SNX7: variants seen among roughly 807,000 people sequenced by gnomAD.
SNX7 encodes sorting nexin 7.
A neutral mutation model predicts 48.4 loss-of-function variants in SNX7; 35 were observed. That is an observed-to-expected ratio of 0.72 (90% CI 0.55 to 0.96). The LOEUF (loss-of-function observed/expected upper bound fraction) is 0.96, where lower values mean the gene tolerates loss of function less well. SNX7 is among the 40% of genes least tolerant of loss of function. SNX7 has a pLI of 0.00. For missense variants in SNX7, 553 were observed against 548.9 expected (o/e 1.01, Z -0.07); for synonymous variants, 190 against 190.2 (o/e 1.00, Z 0.01).
Position 98,711,796 on chromosome 1 carries a change from C to T in SNX7, c.1125+9893C>T, listed in dbSNP as rs533155280. 3.9e-5 allele frequency among the ~76,000 whole-genome samples: 6 copies of T among 152,242 alleles called. No individual in the cohort carries two copies. In the South Asian group the frequency reaches 1.2e-3, roughly 32 times the overall value. On this transcript the variant is annotated intron_variant, in intron 7 of 8. Transcript: ENST00000306121. ...TTGATTTTCCTTTCACCAGTGAATT[C>T]CCCGTAGCATGCAATGTTGTTTGAT...
intron 8 of SNX7, among the ~76,000 whole-genome samples, chr1:98,738,641 C>T (rs1653917154): frequency 6.6e-6 from 1 of 152,152 alleles, no homozygotes; most frequent in Admixed American, 6.5e-5. Flanking sequence ...TCTTTCCTCT[C>T]CCTTCTCCAT....
intron 1 of SNX7, among the ~76,000 whole-genome samples, chr1:98,674,070 AAAG>A (rs1650023628): frequency 6.6e-6 from 1 of 152,192 alleles, no homozygotes; most frequent in South Asian, 2.1e-4. Context: ...TAATTGCATT[AAAG>A]GAGGGTGGAA....
intron 1 of SNX7, 42 bp from the exon 2 acceptor site, chr1:98,684,843 A>G: frequency 7.4e-7 from 1 of 1,351,174 alleles, no homozygotes; most frequent in Non-Finnish European, 9.8e-7. Context: ...GAAGAGTTTA[A>G]TTTTTCTATT....
chr1:98,760,200 C>A lies in SNX7; in HGVS notation c.*69C>A. On this transcript the variant is annotated 3_prime_UTR_variant, in exon 9 of 9. Transcript: ENST00000306121. Reference sequence around the variant, plus strand: ...TTAACCAAAGTTATTCTTTCTGGATCTGCCGTGTCCTTATAAAGTGGATGA... The same window carrying A: ...TTAACCAAAGTTATTCTTTCTGGATATGCCGTGTCCTTATAAAGTGGATGA... The A allele has an allele frequency of 8.2e-7, 1 of 1,213,856 alleles. No homozygotes were observed. The highest frequency in any genetic ancestry group is 1.2e-6 in the Non-Finnish European group (1 of 820,356). The allele number at this position is 1,213,856 out of a possible 1,614,324, so 75.2% of individuals were successfully genotyped here.
At chr1:98,674,645 C>G (rs182830634) in intron 1 of SNX7, among the ~76,000 whole-genome samples, 141 of 152,278 alleles carry the variant, frequency 9.3e-4, no homozygotes, top group African/African-American at 3.1e-3. Flanking sequence ...AACAATTCAA[C>G]CCATAACAAA....
intron 2 of SNX7, among the ~76,000 whole-genome samples, chr1:98,686,504 T>C (rs1650808554): frequency 6.6e-6 from 1 of 152,162 alleles, no homozygotes; most frequent in Admixed American, 6.5e-5. Context: ...TTTGTGAGTT[T>C]CTCAAGGAAG....
rs568617375 is a variant in SNX7, at chr1:98,691,783, C to T, written c.639+84C>T. The stretch of plus-strand genomic sequence containing the variant: ...GTATTGTTCCTCTTGTTTACCGTTA[C>T]AAATCATGCAGTGGTGTACTTGAAT... On this transcript the variant is annotated intron_variant, in intron 4 of 8. Transcript: ENST00000306121. 1,889 of 1,150,040 alleles carry T rather than the reference C, an allele frequency of 1.6e-3. 3 individuals are homozygous for T. The highest frequency in any genetic ancestry group is 2.1e-3 in the Non-Finnish European group (1,789 of 852,836). The allele number at this position is 1,150,040 out of a possible 1,614,324, so 71.2% of individuals were successfully genotyped here. A position where few individuals can be genotyped will look rare whatever the true frequency, so the allele number is the denominator to read the frequency against.
intron 7 of SNX7, among the ~76,000 whole-genome samples, chr1:98,725,260 G>T (rs980130706): frequency 9.9e-5 from 15 of 152,078 alleles, no homozygotes; most frequent in African/African-American, 3.6e-4. Flanking sequence ...TGACTTTGGC[G>T]ATCCTTAGGC....
intron 8 of SNX7, among the ~76,000 whole-genome samples, chr1:98,752,054 A>G (rs545260362): frequency 2.4e-4 from 37 of 152,262 alleles, no homozygotes; most frequent in African/African-American, 8.9e-4. Flanking sequence ...ATTGATGACA[A>G]TGCAAAGCCA....
At chr1:98,691,937 A>ACACACTCTCTCTCTCTCTCT (rs376006567) in intron 4 of SNX7, among the ~76,000 whole-genome samples, 15 of 131,170 alleles carry the variant, frequency 1.1e-4, no homozygotes, top group Non-Finnish European at 2.5e-4. Flanking sequence ...ACACACACAC[A>ACACACTCTCTCTCTCTCTCT]CTCTCTCTCT....
chr1:98,669,623 G>T (rs1649741433), intron 1 of SNX7, among the ~76,000 whole-genome samples: 1 of 152,180 alleles, frequency 6.6e-6, no homozygotes, highest in African/African-American at 2.4e-5. Context: ...AACAGGATTT[G>T]TGGTAATTTG....
chr1:98,748,407 G>A (rs1440752685), intron 8 of SNX7, among the ~76,000 whole-genome samples: 2 of 152,094 alleles, frequency 1.3e-5, no homozygotes, highest in African/African-American at 4.8e-5. Context: ...GAAATAGACA[G>A]TTATATCATG....
intron 1 of SNX7, among the ~76,000 whole-genome samples, chr1:98,681,705 T>C (rs1456126210): frequency 6.6e-6 from 1 of 152,182 alleles, no homozygotes; most frequent in Non-Finnish European, 1.5e-5. Context: ...ATGTAACAGA[T>C]GAACCTGGAT....
chr1:98,698,141 C>T (rs577424526), intron 5 of SNX7, among the ~76,000 whole-genome samples: 48 of 152,166 alleles, frequency 3.2e-4, no homozygotes, highest in South Asian at 2.1e-4. Context: ...ACCCTTGAAG[C>T]AGTACAGATT....
chr1:98,707,079 C>G (rs1652049718), intron 7 of SNX7, among the ~76,000 whole-genome samples: 6 of 152,054 alleles, frequency 3.9e-5, no homozygotes, highest in Admixed American at 3.9e-4. Context: ...AAAGTATGAG[C>G]CTTTACTTTA....
intron 1 of SNX7, among the ~76,000 whole-genome samples, chr1:98,665,376 G>C (rs1287371110): frequency 4.6e-5 from 7 of 151,944 alleles, no homozygotes; most frequent in Non-Finnish European, 5.9e-5. Flanking sequence ...GCGAACAGTA[G>C]GTTTCATTTC....
chr1:98,673,617 G>C (rs1649996882), intron 1 of SNX7, among the ~76,000 whole-genome samples: 1 of 152,164 alleles, frequency 6.6e-6, no homozygotes. Flanking sequence ...CCTGACACCT[G>C]GGTGACATGC....
rs770463800 is a variant in SNX7, at chr1:98,691,190, GT to G, written c.474+8del. 2.5e-6 allele frequency: 4 copies of G among 1,579,302 alleles called. No homozygotes were observed. In the East Asian group the frequency reaches 9.2e-5, roughly 36 times the overall value. ...CACCCCACTCTGATTATTCCAGTAA[GT>G]TTGCAAAATTTTTTTTTTCATAGAA... On this transcript the variant is annotated splice_donor_region_variant and intron_variant, in intron 3 of 8. Coordinates refer to ENST00000306121, the MANE Select transcript of SNX7 (RefSeq NM_015976.5).
At chr1:98,663,000 G>C (rs1649331385) in intron 1 of SNX7, among the ~76,000 whole-genome samples, 1 of 152,130 alleles carries the variant, frequency 6.6e-6, no homozygotes, top group South Asian at 2.1e-4. Context: ...ACAGTTTTGT[G>C]CTCTTGACTT....
Sources: gnomAD v4.1 joint callset for allele counts (sites outside exome capture counted in the v4.1 genomes callset) on GRCh38, gnomAD v4.1.1 for gene constraint, MANE v1.5 for transcripts, NCBI Gene and HGNC (gene_info 2026-07-23, HGNC 2026-07-21) for gene names.